The following GPC6 variants were observed in gnomAD, a reference collection of about 807,000 sequenced individuals.
GPC6 encodes glypican-6.
Under a neutral mutation model 55.2 loss-of-function variants are expected in GPC6, and 14 were observed. The observed-to-expected ratio is 0.25, with a 90% CI of 0.17 to 0.40. The LOEUF (loss-of-function observed/expected upper bound fraction) is 0.40. Ranked by LOEUF, GPC6 falls within the 10% of genes least tolerant of loss-of-function variation. The pLI is 1.00. For missense variants in GPC6, 641 were observed against 708.5 expected (o/e 0.90, Z 1.08); for synonymous variants, 278 against 259.6 (o/e 1.07, Z -0.68).
At chr13:93,893,260 T>C (rs1023911308) in intron 3 of GPC6, among the ~76,000 whole-genome samples, 2 of 152,092 alleles carry the variant, frequency 1.3e-5, no homozygotes, top group Non-Finnish European at 2.9e-5. Flanking sequence ...TGTTTCACCA[T>C]GTTGGCCAGG....
At chr13:93,806,959 G>A (rs919118973) in intron 2 of GPC6, among the ~76,000 whole-genome samples, 24 of 151,980 alleles carry the variant, frequency 1.6e-4, no homozygotes, top group South Asian at 4.2e-4. Context: ...ATATATTAAG[G>A]CAATAAACCA....
chr13:93,277,168 T>C (rs1260634562), intron 1 of GPC6, among the ~76,000 whole-genome samples: 1 of 152,178 alleles, frequency 6.6e-6, no homozygotes, highest in Non-Finnish European at 1.5e-5. Flanking sequence ...TTATGATGTG[T>C]TGCAAATAAT....
chr13:93,510,707 G>A (rs948836352), intron 1 of GPC6, among the ~76,000 whole-genome samples: 1 of 151,644 alleles, frequency 6.6e-6, no homozygotes, highest in Non-Finnish European at 1.5e-5. Flanking sequence ...TGGTAATTGT[G>A]TTTGTCGTTT....
intron 6 of GPC6, among the ~76,000 whole-genome samples, chr13:94,350,530 A>G (rs1052181106): frequency 6.6e-6 from 1 of 152,224 alleles, no homozygotes; most frequent in Non-Finnish European, 1.5e-5. Flanking sequence ...TTGGTTGCCC[A>G]TTGTGGTACC....
At chr13:93,515,597 T>C (rs1881159440) in intron 1 of GPC6, among the ~76,000 whole-genome samples, 1 of 152,166 alleles carries the variant, frequency 6.6e-6, no homozygotes, top group African/African-American at 2.4e-5. Flanking sequence ...ACTTACCTCA[T>C]AGGTTTGTCC....
intron 1 of GPC6, among the ~76,000 whole-genome samples, chr13:93,381,663 C>A (rs1447305507): frequency 6.6e-6 from 1 of 152,090 alleles, no homozygotes; most frequent in East Asian, 1.9e-4. Flanking sequence ...AATCACCTAG[C>A]TCAATTTTCT....
intron 1 of GPC6, among the ~76,000 whole-genome samples, chr13:93,321,935 A>G (rs1048535959): frequency 6.6e-6 from 1 of 152,100 alleles, no homozygotes; most frequent in African/African-American, 2.4e-5. Context: ...CTCTGTCGTG[A>G]TGAATCAGTC....
intron 1 of GPC6, among the ~76,000 whole-genome samples, chr13:93,324,083 C>T (rs974204468): frequency 6.6e-6 from 1 of 152,038 alleles, no homozygotes; most frequent in Non-Finnish European, 1.5e-5. Flanking sequence ...AAATGTGGTA[C>T]ATATACATAG....
intron 4 of GPC6, among the ~76,000 whole-genome samples, chr13:94,271,380 GCGCACACACA>G (rs1329994621): frequency 8.9e-6 from 1 of 112,504 alleles, no homozygotes; most frequent in African/African-American, 2.9e-5. Context: ...GCGCGCGCGC[GCGCACACACA>G]CACACACACA....
intron 6 of GPC6, among the ~76,000 whole-genome samples, chr13:94,335,580 C>G (rs1877642366): frequency 7.3e-6 from 1 of 136,872 alleles, no homozygotes; most frequent in African/African-American, 2.7e-5. Flanking sequence ...ATAAAATGTC[C>G]CTTAAACACT....
chr13:93,537,842 C>G (rs1882121145), intron 1 of GPC6, among the ~76,000 whole-genome samples: 1 of 151,978 alleles, frequency 6.6e-6, no homozygotes, highest in Non-Finnish European at 1.5e-5. Context: ...TACAATGTCA[C>G]CTTTTAATAC....
intron 4 of GPC6, among the ~76,000 whole-genome samples, chr13:94,153,787 C>T (rs1377684548): frequency 6.6e-6 from 1 of 152,156 alleles, no homozygotes; most frequent in Non-Finnish European, 1.5e-5. Context: ...CTGGCCCCAT[C>T]CCAGAATTCC....
At chr13:94,035,616 C>T (rs538285267) in intron 4 of GPC6, among the ~76,000 whole-genome samples, 6 of 152,030 alleles carry the variant, frequency 3.9e-5, no homozygotes, top group South Asian at 4.2e-4. Flanking sequence ...TGAGGCATTT[C>T]GATTACTTTA....
chr13:94,064,181 G>A (rs1008423395), intron 4 of GPC6, among the ~76,000 whole-genome samples: 3 of 152,108 alleles, frequency 2.0e-5, no homozygotes, highest in Non-Finnish European at 2.9e-5. Flanking sequence ...TGAGGAGGTG[G>A]TACTAAATTA....
chr13:93,247,982 G>A (rs1291989128), intron 1 of GPC6, among the ~76,000 whole-genome samples: 1 of 152,104 alleles, frequency 6.6e-6, no homozygotes, highest in East Asian at 1.9e-4. Context: ...CCATTTTGTT[G>A]TTAACACAAA....
chr13:93,591,341 G>A (rs1312408362), intron 2 of GPC6, among the ~76,000 whole-genome samples: 1 of 151,970 alleles, frequency 6.6e-6, no homozygotes, highest in Non-Finnish European at 1.5e-5. Context: ...GCGGACGCCT[G>A]TAGTCCCAGC....
At chr13:93,551,334 G>A (rs1355746697) in intron 2 of GPC6, among the ~76,000 whole-genome samples, 1 of 151,580 alleles carries the variant, frequency 6.6e-6, no homozygotes, top group African/African-American at 2.4e-5. Context: ...CAATTTCAGG[G>A]CATAAACAAG....
intron 1 of GPC6, among the ~76,000 whole-genome samples, chr13:93,253,325 T>C (rs1195802240): frequency 2.0e-5 from 3 of 152,348 alleles, no homozygotes; most frequent in African/African-American, 7.2e-5. Context: ...TAAATTGTGC[T>C]TCTGGAATGT....
intron 4 of GPC6, among the ~76,000 whole-genome samples, chr13:94,194,206 T>A (rs1889490378): frequency 6.6e-6 from 1 of 152,220 alleles, no homozygotes; most frequent in Non-Finnish European, 1.5e-5. Context: ...GTTGCCTGAT[T>A]TAGCCAATAA....
Sources: gnomAD v4.1 joint callset for allele counts (sites outside exome capture counted in the v4.1 genomes callset) on GRCh38, gnomAD v4.1.1 for gene constraint, MANE v1.5 for transcripts, NCBI Gene and HGNC (gene_info 2026-07-23, HGNC 2026-07-21) for gene names.